Variants in TRPC4 observed in about 807,000 individuals in gnomAD.
TRPC4 encodes transient receptor potential cation channel subfamily C member 4.
In TRPC4, 49 loss-of-function variants were observed where a neutral mutation model predicts 99.4. The observed-to-expected ratio is 0.49, with a 90% CI of 0.39 to 0.63. The LOEUF (loss-of-function observed/expected upper bound fraction) is 0.63, where lower values mean the gene tolerates loss of function less well. Among genes scored for constraint, TRPC4 ranks in the 20% least tolerant of loss-of-function variants. The pLI is 0.00. For missense variants in TRPC4, 898 were observed against 1,152.9 expected, an observed-to-expected ratio of 0.78 and a Z score of 3.20; for synonymous variants, 454 against 425.9, an observed-to-expected ratio of 1.07 and a Z score of -0.81.
chr13:37,788,608 C>A (rs1957030504), intron 1 of TRPC4, among the ~76,000 whole-genome samples: 1 of 152,060 alleles, frequency 6.6e-6, no homozygotes, highest in South Asian at 2.1e-4. Flanking sequence ...CATGACCCTT[C>A]TCTCAGTGGT....
chr13:37,846,902 A>AGAGTAGTT (rs1958922045), intron 1 of TRPC4, among the ~76,000 whole-genome samples: 1 of 152,094 alleles, frequency 6.6e-6, no homozygotes. Context: ...TAAGAGAATA[A>AGAGTAGTT]GAGTAGTTAC....
chr13:37,766,652 T>G (rs527607386), intron 2 of TRPC4, among the ~76,000 whole-genome samples: 1 of 151,552 alleles, frequency 6.6e-6, no homozygotes, highest in East Asian at 2.0e-4. Context: ...AATGCCTGGC[T>G]ATTATGATTG....
chr13:37,677,058 A>G (rs1953082769), intron 4 of TRPC4, among the ~76,000 whole-genome samples: 1 of 152,064 alleles, frequency 6.6e-6, no homozygotes, highest in Non-Finnish European at 1.5e-5. Flanking sequence ...AGTAAAAGGT[A>G]TAATGACATT....
intron 3 of TRPC4, among the ~76,000 whole-genome samples, chr13:37,703,105 A>C (rs1954154171): frequency 6.6e-6 from 1 of 152,204 alleles, no homozygotes; most frequent in Non-Finnish European, 1.5e-5. Context: ...AAAGCATCTG[A>C]AAGGTGGTAG....
At chr13:37,769,438 T>C (rs1035018389) in intron 2 of TRPC4, among the ~76,000 whole-genome samples, 1 of 151,548 alleles carries the variant, frequency 6.6e-6, no homozygotes, top group East Asian at 1.9e-4. Flanking sequence ...AACCTGTATA[T>C]TATTCTATGG....
In TRPC4 at chr13:37,712,055, T is replaced by G. The variant is rs1390622352; in HGVS notation, c.898-19720A>C. Among the ~76,000 whole-genome samples the G allele has an allele frequency of 2.6e-5, 4 of 152,116 alleles. No individual in the cohort carries two copies. The East Asian group carries it at 7.7e-4, about 29-fold the overall frequency. On this transcript the variant is annotated intron_variant, in intron 3 of 10. Transcript: ENST00000379705. ...TTTGACAAACTATATTTTGAGTGCT[T>G]AAATGCCTCATGTGGCTAGTGGCTA...
At chr13:37,864,377 A>T (rs1038468197) in intron 1 of TRPC4, among the ~76,000 whole-genome samples, 9 of 151,694 alleles carry the variant, frequency 5.9e-5, no homozygotes, top group Non-Finnish European at 8.9e-5. Flanking sequence ...TGAGCATTAT[A>T]GAGTAAGTAG....
Position 37,739,252 on chromosome 13 carries a change from G to A in TRPC4, c.897+6685C>T, listed in dbSNP as rs189796251. 3.9e-3 allele frequency among the ~76,000 whole-genome samples: 588 copies of A among 152,236 alleles called. 3 individuals carry two copies. The highest frequency in any genetic ancestry group is 5.4e-3 in the Admixed American group (82 of 15,290). ...GGAGGACATGAATCTTTTCAAAGCA[G>A]TTTAAACATAGAAGAAGCATAAGGG... On this transcript the variant is annotated intron_variant, in intron 3 of 10. Coordinates refer to ENST00000379705, the MANE Select transcript of TRPC4 (RefSeq NM_016179.4).
chr13:37,864,924 T>G (rs1959637227), intron 1 of TRPC4, among the ~76,000 whole-genome samples: 1 of 151,774 alleles, frequency 6.6e-6, no homozygotes, highest in Non-Finnish European at 1.5e-5. Flanking sequence ...AATGAAAAGC[T>G]TACGCATGTG....
intron 1 of TRPC4, among the ~76,000 whole-genome samples, chr13:37,826,846 T>C (rs959890594): frequency 1.3e-5 from 2 of 152,202 alleles, no homozygotes; most frequent in Non-Finnish European, 2.9e-5. Context: ...GAAGTTCTCC[T>C]GGATAATATC....
intron 3 of TRPC4, among the ~76,000 whole-genome samples, chr13:37,703,859 T>C (rs1482445527): frequency 1.3e-5 from 2 of 151,704 alleles, no homozygotes; most frequent in African/African-American, 4.8e-5. Flanking sequence ...AAATAGAAAA[T>C]AAAAAAGAAA....
intron 6 of TRPC4, among the ~76,000 whole-genome samples, chr13:37,661,787 AACC>A (rs1952447693): frequency 6.6e-6 from 1 of 152,054 alleles, no homozygotes; most frequent in Non-Finnish European, 1.5e-5. Context: ...GCAAGTCAAG[AACC>A]ACAAATAAGA....
rs187057679 is a variant in TRPC4, at chr13:37,741,577, C to T, written c.897+4360G>A. ...GTACTTGAAAGATTATTGTTTGACA[C>T]AGAAACGTAAAAGTGGAGTAAGAAA... On this transcript the variant is annotated intron_variant, in intron 3 of 10. Coordinates refer to ENST00000379705, the MANE Select transcript of TRPC4 (RefSeq NM_016179.4). 3.3e-5 allele frequency among the ~76,000 whole-genome samples: 5 copies of T among 152,224 alleles called. No individual in the cohort carries two copies. The East Asian group carries it at 9.7e-4, about 29-fold the overall frequency.
intron 3 of TRPC4, among the ~76,000 whole-genome samples, chr13:37,694,921 T>C (rs1184170078): frequency 6.6e-6 from 1 of 152,208 alleles, no homozygotes; most frequent in African/African-American, 2.4e-5. Flanking sequence ...CGTGGTAATT[T>C]CATGTCTCCT....
intron 4 of TRPC4, among the ~76,000 whole-genome samples, chr13:37,676,269 A>G (rs1254443684): frequency 2.4e-5 from 1 of 41,094 alleles, no homozygotes; most frequent in African/African-American, 7.2e-5. Context: ...GCAGCCAAGA[A>G]AAAAAAAAAA....
intron 3 of TRPC4, among the ~76,000 whole-genome samples, chr13:37,695,081 T>C (rs373754748): frequency 1.3e-5 from 2 of 152,268 alleles, no homozygotes; most frequent in East Asian, 1.9e-4. Flanking sequence ...TATTATGGGA[T>C]TTTTCAGTCT....
chr13:37,701,830 T>A (rs1280142970), intron 3 of TRPC4, among the ~76,000 whole-genome samples: 1 of 152,200 alleles, frequency 6.6e-6, no homozygotes, highest in Admixed American at 6.5e-5. Flanking sequence ...ATTGAAATGT[T>A]TTATACATAA....
At chr13:37,853,506 G>T (rs945666383) in intron 1 of TRPC4, among the ~76,000 whole-genome samples, 1 of 152,104 alleles carries the variant, frequency 6.6e-6, no homozygotes, top group African/African-American at 2.4e-5. Context: ...CTGTTCAATG[G>T]TCAGACAGCA....
chr13:37,719,239 G>A (rs7321803), intron 3 of TRPC4, among the ~76,000 whole-genome samples: 5,653 of 152,118 alleles, frequency 0.037, 277 homozygotes, highest in African/African-American at 0.12. Context: ...TCTCAGCTAC[G>A]TTGGAGGCTG....
Sources: gnomAD v4.1 joint callset for allele counts (sites outside exome capture counted in the v4.1 genomes callset) on GRCh38, gnomAD v4.1.1 for gene constraint, MANE v1.5 for transcripts, NCBI Gene and HGNC (gene_info 2026-07-23, HGNC 2026-07-21) for gene names.